Variants in FBXL17 observed in about 807,000 individuals in gnomAD.
The protein encoded by FBXL17 is F-box/LRR-repeat protein 17.
In FBXL17, 22 loss-of-function variants were observed where a neutral mutation model predicts 66.2. That is an observed-to-expected ratio of 0.33 (90% CI 0.24 to 0.47). The LOEUF (loss-of-function observed/expected upper bound fraction) is 0.47, where lower values mean the gene tolerates loss of function less well. Ranked by LOEUF, FBXL17 falls within the 20% of genes least tolerant of loss-of-function variation. FBXL17 has a pLI of 1.00. For synonymous variants in FBXL17, 474 were observed against 400.5 expected (o/e 1.18, Z -2.19); for missense variants, 878 against 948.2 (o/e 0.93, Z 0.97).
intron 7 of FBXL17, among the ~76,000 whole-genome samples, chr5:107,922,079 C>T (rs975054867): frequency 1.3e-5 from 2 of 152,080 alleles, no homozygotes; most frequent in African/African-American, 2.4e-5. Flanking sequence ...TTTCCCTTAG[C>T]GTATGGAACA....
At chr5:108,320,719 C>A (rs1220590930) in intron 4 of FBXL17, among the ~76,000 whole-genome samples, 1 of 151,732 alleles carries the variant, frequency 6.6e-6, no homozygotes, top group East Asian at 1.9e-4. Context: ...TTGTTAAGAA[C>A]AAAAACCCTC....
intron 3 of FBXL17, among the ~76,000 whole-genome samples, chr5:108,357,353 T>C (rs1416349749): frequency 6.6e-6 from 1 of 152,018 alleles, no homozygotes. Flanking sequence ...CAAAAACTGT[T>C]AGAACTACAA....
intron 6 of FBXL17, among the ~76,000 whole-genome samples, chr5:108,168,019 G>A (rs1752475141): frequency 6.6e-6 from 1 of 152,174 alleles, no homozygotes; most frequent in African/African-American, 2.4e-5. Flanking sequence ...GAGGAGATGG[G>A]AGGCACCTGT....
In FBXL17 at chr5:108,039,282, G is replaced by C. The variant is rs114836465; in HGVS notation, c.1746-18281C>G. The stretch of plus-strand genomic sequence containing the variant: ...TTAAAGCAGTATAAATTGAGGAAAT[G>C]ATATGATGTTTTACAGTTTTAATAA... On this transcript the variant is annotated intron_variant, in intron 6 of 8. Coordinates refer to ENST00000542267, the MANE Select transcript of FBXL17 (RefSeq NM_001163315.3). 3.8e-3 allele frequency among the ~76,000 whole-genome samples: 579 copies of C among 152,042 alleles called. 3 individuals are homozygous for C. Among genetic ancestry groups the C allele is most frequent in the African/African-American group, 0.014 (565 of 41,538 alleles).
chr5:107,918,770 AAAGAC>A (rs1750216345), intron 7 of FBXL17, among the ~76,000 whole-genome samples: 1 of 152,212 alleles, frequency 6.6e-6, no homozygotes, highest in Non-Finnish European at 1.5e-5. Context: ...TAAGCTCCTC[AAAGAC>A]AAGAAATGTG....
At chr5:108,102,973 C>G (rs1472955459) in intron 6 of FBXL17, among the ~76,000 whole-genome samples, 2 of 152,124 alleles carry the variant, frequency 1.3e-5, no homozygotes, top group Admixed American at 6.5e-5. Context: ...CAACTAACAG[C>G]ACAAGGTAAA....
At chr5:107,917,334 A>C (rs1373882298) in intron 7 of FBXL17, among the ~76,000 whole-genome samples, 1 of 152,236 alleles carries the variant, frequency 6.6e-6, no homozygotes. Flanking sequence ...ATAAAACCTA[A>C]GAATGAAATA....
intron 6 of FBXL17, among the ~76,000 whole-genome samples, chr5:108,118,649 T>C (rs1456526429): frequency 1.3e-5 from 2 of 152,218 alleles, no homozygotes; most frequent in East Asian, 3.8e-4. Flanking sequence ...GTTTTTAATT[T>C]TGTTTTTTAG....
At chr5:108,159,421 G>T (rs1752120981) in intron 6 of FBXL17, among the ~76,000 whole-genome samples, 1 of 152,304 alleles carries the variant, frequency 6.6e-6, no homozygotes, top group East Asian at 1.9e-4. Flanking sequence ...AACCACCAAG[G>T]TGATGGTATT....
chr5:107,874,074 G>T (rs1325896700), intron 8 of FBXL17, among the ~76,000 whole-genome samples: 2 of 152,094 alleles, frequency 1.3e-5, no homozygotes, highest in Non-Finnish European at 2.9e-5. Flanking sequence ...TGTTTGACTT[G>T]GCAGGTCTTC....
intron 6 of FBXL17, among the ~76,000 whole-genome samples, chr5:108,163,545 C>T (rs1032998789): frequency 1.3e-5 from 2 of 152,068 alleles, no homozygotes; most frequent in East Asian, 1.9e-4. Context: ...GGACTACAGG[C>T]GTCCGCCACT....
intron 5 of FBXL17, among the ~76,000 whole-genome samples, chr5:108,206,709 C>T (rs532900972): frequency 1.3e-5 from 2 of 152,254 alleles, no homozygotes; most frequent in Admixed American, 1.3e-4. Flanking sequence ...TAATTCATTC[C>T]TTTAACACCC....
intron 6 of FBXL17, among the ~76,000 whole-genome samples, chr5:108,058,495 C>CT (rs1304337983): frequency 1.7e-4 from 25 of 143,608 alleles, no homozygotes; most frequent in South Asian, 4.5e-4. Flanking sequence ...CTTTCTTTTT[C>CT]TTTTTTTTTG....
rs1383069083 is a variant in FBXL17 at position 108,338,781 on chromosome 5, G to A, written c.1506+9618C>T. 3.9e-5 allele frequency among the ~76,000 whole-genome samples: 6 copies of A among 152,270 alleles called. No individual in the cohort carries two copies. The East Asian group carries it at 1.2e-3, about 29-fold the overall frequency. The stretch of plus-strand genomic sequence containing the variant: ...AAAGAATCCACCCCAAAACTCACAT[G>A]ATGAATACATCCTTCTACTGCCTGT... On this transcript the variant is annotated intron_variant, in intron 4 of 8. Coordinates refer to ENST00000542267, the MANE Select transcript of FBXL17 (RefSeq NM_001163315.3).
chr5:108,321,804 C>T (rs1759632725), intron 4 of FBXL17, among the ~76,000 whole-genome samples: 1 of 151,246 alleles, frequency 6.6e-6, no homozygotes, highest in African/African-American at 2.4e-5. Context: ...AAAATTATAA[C>T]TCCAATCACA....
chr5:108,285,111 T>C (rs901189176), intron 4 of FBXL17, among the ~76,000 whole-genome samples: 1 of 152,072 alleles, frequency 6.6e-6, no homozygotes, highest in African/African-American at 2.4e-5. Context: ...ACCACTTTCT[T>C]TGCATATCCA....
At chr5:108,371,674 G>A (rs1749048122) in intron 1 of FBXL17, among the ~76,000 whole-genome samples, 1 of 152,048 alleles carries the variant, frequency 6.6e-6, no homozygotes, top group African/African-American at 2.4e-5. Flanking sequence ...AGGAAATTAT[G>A]AGAACCAAAT....
intron 4 of FBXL17, among the ~76,000 whole-genome samples, chr5:108,232,315 G>C (rs1284706694): frequency 6.6e-6 from 1 of 152,070 alleles, no homozygotes; most frequent in Admixed American, 6.6e-5. Flanking sequence ...ATTAAGTTAG[G>C]TGTAATTATG....
intron 6 of FBXL17, among the ~76,000 whole-genome samples, chr5:108,127,263 T>C (rs866161592): frequency 6.6e-6 from 1 of 152,190 alleles, no homozygotes; most frequent in Admixed American, 6.5e-5. Flanking sequence ...AAATTAAGGC[T>C]ATGATGAGGC....
Sources: gnomAD v4.1 joint callset for allele counts (sites outside exome capture counted in the v4.1 genomes callset) on GRCh38, gnomAD v4.1.1 for gene constraint, MANE v1.5 for transcripts, NCBI Gene and HGNC (gene_info 2026-07-23, HGNC 2026-07-21) for gene names.